ACYP2: variants seen among roughly 807,000 people sequenced by gnomAD.
ACYP2 encodes the protein acylphosphatase-2.
In ACYP2, 12 loss-of-function variants were observed where a neutral mutation model predicts 11.2. That is an observed-to-expected ratio of 1.08 (90% confidence interval 0.69 to 1.74). The LOEUF (loss-of-function observed/expected upper bound fraction) is 1.74, where lower values mean the gene tolerates loss of function less well. Ranked by LOEUF, ACYP2 falls within the 40% of genes most tolerant of loss-of-function variation. ACYP2 has a pLI of 0.00. For synonymous variants in ACYP2, 43 were observed against 32.2 expected (o/e 1.33, Z -1.13); for missense variants, 134 against 101.9 (o/e 1.31, Z -1.35).
intron 4 of ACYP2, among the ~76,000 whole-genome samples, 179 bp downstream of exon 1, chr2:54,115,935 G>C (rs968836554): frequency 1.3e-5 from 2 of 150,874 alleles, no homozygotes; most frequent in African/African-American, 2.5e-5. Context: ...CCGAGGACTT[G>C]GACGGGCGGA....
At chr2:54,141,876 C>G (rs1325904073) in intron 6 of ACYP2, 1 of 641,980 alleles carries the variant, frequency 1.6e-6, no homozygotes, top group Non-Finnish European at 2.9e-6. Flanking sequence ...CTTGCTCTCT[C>G]TCCTAGGCTG....
intron 6 of ACYP2, among the ~76,000 whole-genome samples, chr2:54,286,528 T>C (rs988204513): frequency 6.6e-6 from 1 of 151,992 alleles, no homozygotes; most frequent in African/African-American, 2.4e-5. Flanking sequence ...CTAATAGTCA[T>C]CTATGTCTAT....
At chr2:54,054,431 G>A (rs1353928932) in intron 3 of ACYP2, among the ~76,000 whole-genome samples, 2 of 152,144 alleles carry the variant, frequency 1.3e-5, no homozygotes, top group Non-Finnish European at 1.5e-5. Context: ...AAGGAAGTTC[G>A]AAGTCCTTGT....
chr2:54,249,434 C>CAAA lies in ACYP2; in HGVS notation c.405-55240_405-55238dup, dbSNP rs55649227. On this transcript the variant is annotated intron_variant, in intron 6 of 6. Coordinates refer to ENST00000607452, the MANE Select transcript of ACYP2 (RefSeq NM_001320586.2). Reference sequence around the variant, plus strand: ...TGGGTGACAGAGTGAGACTCCGTCTCAAAAAAAAAAAAAAAAGAGTCCTTA... The same window carrying CAAA: ...TGGGTGACAGAGTGAGACTCCGTCTCAAAAAAAAAAAAAAAAAAAGAGTCCTTA... Among the ~76,000 whole-genome samples the CAAA allele has an allele frequency of 1.1e-3, 104 of 94,680 alleles. 3 individuals carry two copies. The East Asian group carries it at 0.024, about 22-fold the overall frequency. 62.1% of individuals were successfully genotyped at this position (94,680 alleles called of 152,430 possible).
At chr2:54,045,827 T>C (rs1045637650) in intron 2 of ACYP2, among the ~76,000 whole-genome samples, 3 of 148,950 alleles carry the variant, frequency 2.0e-5, no homozygotes, top group African/African-American at 5.0e-5. Context: ...GAAAAAAAAA[T>C]TGTGGAACAC....
intron 4 of ACYP2, among the ~76,000 whole-genome samples, chr2:54,061,723 A>C (rs1676478570): frequency 6.6e-6 from 1 of 152,234 alleles, no homozygotes; most frequent in African/African-American, 2.4e-5. Context: ...GGCCACAAGC[A>C]GAGTGATGTA....
At chr2:54,194,449 G>C (rs998749955) in intron 6 of ACYP2, among the ~76,000 whole-genome samples, 1 of 152,076 alleles carries the variant, frequency 6.6e-6, no homozygotes, top group African/African-American at 2.4e-5. Flanking sequence ...TACTTTTATT[G>C]AGTTAAAGCT....
chr2:54,159,482 A>G (rs1029753317), intron 6 of ACYP2, among the ~76,000 whole-genome samples: 5 of 151,774 alleles, frequency 3.3e-5, no homozygotes, highest in Admixed American at 3.3e-4. Context: ...TCCTGAGATT[A>G]CAGGCATGAG....
chr2:54,151,850 T>C (rs1245500541), intron 6 of ACYP2, among the ~76,000 whole-genome samples: 1 of 152,160 alleles, frequency 6.6e-6, no homozygotes, highest in Non-Finnish European at 1.5e-5. Flanking sequence ...TTTTTATCTT[T>C]TTTTCTTTAA....
At chr2:54,017,305 C>G (rs1373170157) in intron 2 of ACYP2, among the ~76,000 whole-genome samples, 1 of 136,346 alleles carries the variant, frequency 7.3e-6, no homozygotes, top group African/African-American at 2.9e-5. Context: ...GAGTCTCAGT[C>G]TGTGCAGTGG....
At chr2:54,203,342 T>A (rs1258706510) in intron 6 of ACYP2, among the ~76,000 whole-genome samples, 1 of 152,234 alleles carries the variant, frequency 6.6e-6, no homozygotes, top group African/African-American at 2.4e-5. Context: ...TGAACCTGTT[T>A]ACTACTTCTA....
At chr2:53,971,342 C>G (rs1006015332) in intron 1 of ACYP2, 1 of 152,510 alleles carries the variant, frequency 6.6e-6, no homozygotes, top group Non-Finnish European at 1.5e-5. Context: ...TCCCCCTAGC[C>G]GAGCAGCCCC....
At chr2:54,040,426 G>A (rs192547367) in intron 2 of ACYP2, among the ~76,000 whole-genome samples, 35 of 152,110 alleles carry the variant, frequency 2.3e-4, no homozygotes, top group Non-Finnish European at 3.8e-4. Context: ...CATGCAGACC[G>A]GACACTGTTA....
At chr2:54,246,505 T>C (rs1380603908) in intron 6 of ACYP2, among the ~76,000 whole-genome samples, 1 of 151,954 alleles carries the variant, frequency 6.6e-6, no homozygotes, top group Non-Finnish European at 1.5e-5. Flanking sequence ...TTGTAGATAG[T>C]CTTCCCCCAT....
chr2:54,132,599 A>T lies in ACYP2; in HGVS notation c.278-2854A>T, dbSNP rs188708815. ...CCTCTTAACCAGGCTTAACTGCTGT[A>T]TGTAGAATCAATACCTTTTGGACTC... On this transcript the variant is annotated intron_variant, in intron 4 of 6. Transcript: ENST00000607452. 1.5e-4 allele frequency among the ~76,000 whole-genome samples: 23 copies of T among 152,244 alleles called. No homozygotes were observed. The East Asian group carries it at 3.7e-3, about 24-fold the overall frequency.
intron 6 of ACYP2, among the ~76,000 whole-genome samples, chr2:54,249,648 A>T (rs1301728181): frequency 6.6e-6 from 1 of 152,138 alleles, no homozygotes; most frequent in Non-Finnish European, 1.5e-5. Flanking sequence ...AACTTACTAA[A>T]AAGACAAAAA....
chr2:54,221,126 C>T (rs1218200233), intron 6 of ACYP2, among the ~76,000 whole-genome samples: 1 of 152,130 alleles, frequency 6.6e-6, no homozygotes, highest in African/African-American at 2.4e-5. Context: ...TGCCCCTTCA[C>T]CTTGGGTTCC....
At chr2:54,051,448 C>G (rs1559037) in intron 3 of ACYP2, 291,117 of 704,564 alleles carry the variant, frequency 0.41, 62,315 homozygotes, top group East Asian at 0.6. Flanking sequence ...CCCTCCTAAA[C>G]GGGTGACAAA....
chr2:54,236,573 A>G (rs773323666), intron 6 of ACYP2, among the ~76,000 whole-genome samples: 17 of 152,140 alleles, frequency 1.1e-4, no homozygotes, highest in Non-Finnish European at 1.5e-4. Context: ...TATAAATTCA[A>G]TTCTTTGGAA....
Sources: gnomAD v4.1 joint callset for allele counts (sites outside exome capture counted in the v4.1 genomes callset) on GRCh38, gnomAD v4.1.1 for gene constraint, MANE v1.5 for transcripts, NCBI Gene and HGNC (gene_info 2026-07-23, HGNC 2026-07-21) for gene names.